Variants in NDUFB1 observed in about 807,000 individuals in gnomAD.
NDUFB1 encodes the protein NADH:ubiquinone oxidoreductase subunit B1.
Under a neutral mutation model 6.7 loss-of-function variants are expected in NDUFB1, and 6 were observed. The observed-to-expected ratio is 0.89, with a 90% CI of 0.49 to 1.76. The LOEUF (loss-of-function observed/expected upper bound fraction) is 1.76. Among genes scored for constraint, NDUFB1 ranks in the 40% most tolerant of loss-of-function variants. NDUFB1 has a pLI of 0.01. For synonymous variants in NDUFB1, 17 were observed against 22.9 expected (o/e 0.74, Z 0.74); for missense variants, 56 against 71.0 (o/e 0.79, Z 0.76).
At chr14:92,121,559 G>C in intron 1 of NDUFB1, 83 bp downstream of exon 1, 1 of 1,591,050 alleles carries the variant, frequency 6.3e-7, no homozygotes, top group Non-Finnish European at 8.6e-7. Context: ...CACATGCACA[G>C]CACCGAGGGC....
intron 1 of NDUFB1, among the ~76,000 whole-genome samples, chr14:92,119,167 C>G (rs535044255): frequency 9.2e-4 from 140 of 151,534 alleles, no homozygotes; most frequent in African/African-American, 3.3e-3. Context: ...AAAAAATTAG[C>G]TGGGTGTGGT....
chr14:92,120,987 C>T (rs2068756687), intron 1 of NDUFB1, among the ~76,000 whole-genome samples: 1 of 151,704 alleles, frequency 6.6e-6, no homozygotes, highest in African/African-American at 2.4e-5. Flanking sequence ...TAGTGAAACC[C>T]TCGTCTCTAC....
chr14:92,118,110 C>T (rs12586783), intron 1 of NDUFB1: 33,154 of 176,280 alleles, frequency 0.19, 3,366 homozygotes, highest in East Asian at 0.3. Flanking sequence ...TAGTATAATA[C>T]TTTAAAATCT....
Position 92,121,641 on chromosome 14 carries a change from C to A in NDUFB1, c.-6+1G>T, listed in dbSNP as rs931475843. ...CGGCCCCCCGGGCTCCCCAAACCCA[C>A]CTGCAGCCTCAGCGCCTACAGCGAC... is the stretch of plus-strand genomic sequence containing the variant. On this transcript the variant is annotated splice_donor_variant, in intron 1 of 2. Coordinates refer to ENST00000605997, the MANE Select transcript of NDUFB1 (RefSeq NM_004545.4). LOFTEE classifies it low-confidence loss of function (5UTR_SPLICE). 1.9e-6 allele frequency: 3 copies of A among 1,613,032 alleles called. No homozygotes were observed. The African/African-American group carries it at 4.0e-5, about 22-fold the overall frequency.
intron 1 of NDUFB1, among the ~76,000 whole-genome samples, chr14:92,119,834 C>T (rs1272596927): frequency 6.6e-6 from 1 of 151,486 alleles, no homozygotes; most frequent in Non-Finnish European, 1.5e-5. Context: ...TTATAATAGT[C>T]CACTGCAGTC....
At chr14:92,118,921 CTGAGA>C (rs2068733843) in intron 1 of NDUFB1, 1 of 340,212 alleles carries the variant, frequency 2.9e-6, no homozygotes, top group African/African-American at 2.2e-5. Context: ...TTGCAGTGAG[CTGAGA>C]TGACGCCACT....
At chr14:92,116,478 T>C (rs1192837705) in intron 2 of NDUFB1, among the ~76,000 whole-genome samples, 2 of 151,568 alleles carry the variant, frequency 1.3e-5, no homozygotes, top group Non-Finnish European at 2.9e-5. Context: ...GGATTACAGC[T>C]GTGTGCCACC....
chr14:92,119,722 T>G (rs1391195237), intron 1 of NDUFB1, among the ~76,000 whole-genome samples: 2 of 152,190 alleles, frequency 1.3e-5, no homozygotes, highest in African/African-American at 4.8e-5. Context: ...CATTTGTGTT[T>G]TATATATACC....
intron 2 of NDUFB1, among the ~76,000 whole-genome samples, chr14:92,117,222 T>C (rs530361191): frequency 2.6e-5 from 4 of 152,366 alleles, no homozygotes; most frequent in Non-Finnish European, 5.9e-5. Context: ...CCAGCTACTT[T>C]TAAACTGTTT....
intron 1 of NDUFB1, chr14:92,120,307 T>C (rs1248790374): frequency 6.6e-6 from 1 of 151,876 alleles, no homozygotes. Flanking sequence ...CTGCCTCTCC[T>C]CTTACACTGG....
chr14:92,116,314 T>C (rs1313419714), intron 2 of NDUFB1, 85 bp from the exon 3 acceptor site: 7 of 1,015,568 alleles, frequency 6.9e-6, no homozygotes, highest in East Asian at 2.4e-5. Flanking sequence ...AGAAGAATGA[T>C]TGCAATATTT....
rs1260147662 is a variant in NDUFB1, at chr14:92,116,501, T to C, written c.141-272A>G. On this transcript the variant is annotated intron_variant, in intron 2 of 2. Coordinates refer to ENST00000605997, the MANE Select transcript of NDUFB1 (RefSeq NM_004545.4). ...GCTGTGTGCCACCACACCGAGCTAATTTTTTATATTTTTGGTAGAGACGGG... is the reference window on the plus strand; with the variant it reads ...GCTGTGTGCCACCACACCGAGCTAACTTTTTATATTTTTGGTAGAGACGGG... 2.6e-5 allele frequency among the ~76,000 whole-genome samples: 4 copies of C among 151,616 alleles called. 1 individual carries two copies. The highest frequency in any genetic ancestry group is 5.9e-5 in the Non-Finnish European group (4 of 67,904).
chr14:92,117,651 A>C lies in NDUFB1; in HGVS notation c.-5-9T>G, dbSNP rs552653166. The C allele has an allele frequency of 5.0e-6, 8 of 1,611,214 alleles. No homozygotes were observed. The South Asian group carries it at 8.8e-5, about 18-fold the overall frequency. On this transcript the variant is annotated splice_polypyrimidine_tract_variant and intron_variant, in intron 1 of 2. Coordinates refer to ENST00000605997, the MANE Select transcript of NDUFB1 (RefSeq NM_004545.4). ...TAAGTTCACCATGATAGCTAAAAGAAAAAAAAATTATCAGAAATACAACTG... is the reference window on the plus strand; with the variant it reads ...TAAGTTCACCATGATAGCTAAAAGACAAAAAAATTATCAGAAATACAACTG...
At chr14:92,116,493 C>T (rs7156158) in intron 2 of NDUFB1, among the ~76,000 whole-genome samples, 23,462 of 151,304 alleles carry the variant, frequency 0.16, 1,958 homozygotes, top group East Asian at 0.3. Flanking sequence ...GCCACCACAC[C>T]GAGCTAATTT....
intron 1 of NDUFB1, among the ~76,000 whole-genome samples, chr14:92,119,938 T>C (rs2068741238): frequency 6.6e-6 from 1 of 152,092 alleles, no homozygotes; most frequent in African/African-American, 2.4e-5. Context: ...AAACATTTTT[T>C]TTTGTAGAGA....
chr14:92,120,850 C>A (rs1270844409), intron 1 of NDUFB1, among the ~76,000 whole-genome samples: 1 of 148,782 alleles, frequency 6.7e-6, no homozygotes, highest in East Asian at 2.3e-4. Context: ...CTAAGCCTGG[C>A]CATACTTTTG....
chr14:92,118,984 G>GAAA, intron 1 of NDUFB1: 1 of 337,378 alleles, frequency 3.0e-6, no homozygotes, highest in Non-Finnish European at 5.5e-6. Flanking sequence ...AGAAAAAAAA[G>GAAA]AAAGAAAAAA....
intron 1 of NDUFB1, 68 bp from the exon 2 acceptor site, chr14:92,117,710 C>A (rs2068726706): frequency 2.0e-6 from 3 of 1,507,492 alleles, no homozygotes; most frequent in South Asian, 2.4e-5. Flanking sequence ...TTTTAAATTG[C>A]ATCTGGGCCA....
intron 1 of NDUFB1, chr14:92,118,964 T>C: frequency 2.8e-6 from 1 of 363,538 alleles, no homozygotes; most frequent in Non-Finnish European, 5.3e-6. Context: ...ATACAGCGAG[T>C]CTCTGTCTCA....
Sources: gnomAD v4.1 joint callset for allele counts (sites outside exome capture counted in the v4.1 genomes callset) on GRCh38, gnomAD v4.1.1 for gene constraint, MANE v1.5 for transcripts, NCBI Gene and HGNC (gene_info 2026-07-23, HGNC 2026-07-21) for gene names.